PRDM16: variants seen among roughly 807,000 people sequenced by gnomAD.
PRDM16 encodes histone-lysine N-methyltransferase PRDM16.
PRDM16 carries 23 observed loss-of-function variants against 110.6 expected under a neutral mutation model. The ratio of observed to expected loss-of-function variants is 0.21; its 90% CI spans 0.15 to 0.29. The LOEUF is 0.29. Among genes scored for constraint, PRDM16 ranks in the 10% least tolerant of loss-of-function variants. The probability of loss-of-function intolerance (pLI) is 1.00; values close to 1 mark genes in which losing one functional copy is unlikely to be tolerated. For missense variants in PRDM16, 1,615 were observed against 1,794.3 expected (o/e 0.90, Z 1.81); for synonymous variants, 799 against 781.8 (o/e 1.02, Z -0.37).
chr1:3,100,180 G>A (rs919033444), intron 1 of PRDM16, among the ~76,000 whole-genome samples: 2 of 152,258 alleles, frequency 1.3e-5, no homozygotes, highest in Admixed American at 1.3e-4. Flanking sequence ...GGCTGGAGAG[G>A]TGGGGACCAG....
chr1:3,174,534 A>G (rs1404726436), intron 1 of PRDM16, among the ~76,000 whole-genome samples: 1 of 152,206 alleles, frequency 6.6e-6, no homozygotes, highest in South Asian at 2.1e-4. Flanking sequence ...GTGGGTCTCA[A>G]TCTGCTTCCT....
intron 3 of PRDM16, among the ~76,000 whole-genome samples, chr1:3,261,448 G>A (rs1351725481): frequency 6.6e-6 from 1 of 152,114 alleles, no homozygotes. Context: ...CTGATAAGCC[G>A]CCAATTCATA....
At chr1:3,165,649 GGACTCACCTGGGCTCAGGGACAGT>G (rs1643945713) in intron 1 of PRDM16, among the ~76,000 whole-genome samples, 7 of 88,968 alleles carry the variant, frequency 7.9e-5, no homozygotes, top group Non-Finnish European at 1.6e-4. Context: ...TCAGGGACAG[GGACTCACCTGGGCTCAGGGACAGT>G]GACTCACCTG....
At position 3,411,802 on chromosome 1, in the gene PRDM16, C is replaced by A. The variant is rs1360463737; in HGVS notation, c.1605C>A (p.Leu535=). ...CTCTGCTACCTCCCACATCGCTGCTCAAGAGCCCCCTGAACCACACCCAGG... is the reference window on the plus strand; with the variant it reads ...CTCTGCTACCTCCCACATCGCTGCTAAAGAGCCCCCTGAACCACACCCAGG... The part of the protein sequence containing the change: ...RPPLLPPTSL[L]KSPLNHTQDA... The change falls in exon 9 of 17, where the codon CTC becomes CTA. Residue 535 remains leucine, a synonymous_variant. Transcript: ENST00000270722. The A allele has an allele frequency of 6.2e-7, 1 of 1,611,850 alleles. No individual in the cohort carries two copies. The highest frequency in any genetic ancestry group is 8.5e-7 in the Non-Finnish European group (1 of 1,179,682).
intron 2 of PRDM16, among the ~76,000 whole-genome samples, chr1:3,233,490 G>C (rs193166268): frequency 3.9e-5 from 6 of 152,314 alleles, no homozygotes; most frequent in Non-Finnish European, 5.9e-5. Flanking sequence ...AAAGGGCTCA[G>C]GCTGAGCATG....
At chr1:3,074,840 C>T (rs780979140) in intron 1 of PRDM16, among the ~76,000 whole-genome samples, 3 of 152,260 alleles carry the variant, frequency 2.0e-5, no homozygotes, top group Non-Finnish European at 2.9e-5. Context: ...GGTGGAGCTG[C>T]TGCTGCCCTG....
At chr1:3,129,104 G>A (rs985969606) in intron 1 of PRDM16, among the ~76,000 whole-genome samples, 10 of 152,038 alleles carry the variant, frequency 6.6e-5, no homozygotes, top group South Asian at 2.1e-4. Flanking sequence ...GCTGGTGTGC[G>A]TGCATGGGTG....
At chr1:3,372,284 C>T (rs551492509) in intron 3 of PRDM16, among the ~76,000 whole-genome samples, 1 of 152,370 alleles carries the variant, frequency 6.6e-6, no homozygotes, top group Non-Finnish European at 1.5e-5. Flanking sequence ...CCCCAAAGGC[C>T]CTGCTTCCCA....
chr1:3,408,967 A>AT (rs1352000602), intron 8 of PRDM16, among the ~76,000 whole-genome samples: 1 of 132,202 alleles, frequency 7.6e-6, no homozygotes, highest in African/African-American at 2.9e-5. Flanking sequence ...GAGCCAGTGC[A>AT]TGTGTTGGCA....
chr1:3,277,507 A>G (rs1640612366), intron 3 of PRDM16, among the ~76,000 whole-genome samples: 1 of 152,246 alleles, frequency 6.6e-6, no homozygotes, highest in South Asian at 2.1e-4. Context: ...ATCCCAGTAC[A>G]GGAAAGCCCC....
At chr1:3,168,414 G>C (rs1428385640) in intron 1 of PRDM16, among the ~76,000 whole-genome samples, 1 of 147,520 alleles carries the variant, frequency 6.8e-6, no homozygotes. Flanking sequence ...AAGTGAGCAA[G>C]TGGCTCTTTC....
intron 1 of PRDM16, among the ~76,000 whole-genome samples, chr1:3,121,767 C>T (rs565326452): frequency 6.6e-6 from 1 of 152,352 alleles, no homozygotes; most frequent in East Asian, 1.9e-4. Context: ...GCAGGCCCTT[C>T]TCTGCGGGGC....
rs554666355 is a variant in PRDM16, at chr1:3,187,101, G to A, written c.387+627G>A. On this transcript the variant is annotated intron_variant, in intron 2 of 16. Coordinates refer to ENST00000270722, the MANE Select transcript of PRDM16 (RefSeq NM_022114.4). ...TGCTGCAGGGGTCAGGAGAGAGGGC[G>A]TCCCTGGGACGGCTCTGAGAGGGAA... Among the ~76,000 whole-genome samples the A allele has an allele frequency of 5.3e-5, 8 of 152,332 alleles. No homozygotes were observed. In the South Asian group the frequency reaches 6.2e-4, roughly 12 times the overall value.
At chr1:3,073,841 C>T (rs980961683) in intron 1 of PRDM16, among the ~76,000 whole-genome samples, 5 of 152,106 alleles carry the variant, frequency 3.3e-5, no homozygotes, top group Non-Finnish European at 7.4e-5. Flanking sequence ...GCTTGGACCC[C>T]GGGGTCCCCT....
At chr1:3,241,866 T>C (rs1639682213) in intron 2 of PRDM16, among the ~76,000 whole-genome samples, 1 of 152,124 alleles carries the variant, frequency 6.6e-6, no homozygotes, top group South Asian at 2.1e-4. Context: ...CCTGAGAGGC[T>C]ATGCATCTGA....
chr1:3,169,844 C>T (rs896962718), intron 1 of PRDM16, among the ~76,000 whole-genome samples: 2 of 152,200 alleles, frequency 1.3e-5, no homozygotes, highest in African/African-American at 4.8e-5. Flanking sequence ...GGGCCACGCT[C>T]GGGTCAGCGG....
rs554111313 is a variant in PRDM16, at chr1:3,273,669, A to G, written c.438+29532A>G. Among the ~76,000 whole-genome samples, 811 of 151,508 alleles carry G rather than the reference A, an allele frequency of 5.4e-3. 4 individuals are homozygous for G. The highest frequency in any genetic ancestry group is 8.6e-3 in the Non-Finnish European group (582 of 67,866). On this transcript the variant is annotated intron_variant, in intron 3 of 16. Coordinates refer to ENST00000270722, the MANE Select transcript of PRDM16 (RefSeq NM_022114.4). ...GTATGGCCTGCATCTATGAGGGTAC[A>G]TTCCTGTGTGTGTGTGCATGTGGCA...
intron 1 of PRDM16, among the ~76,000 whole-genome samples, chr1:3,125,087 C>T (rs2817173): frequency 0.14 from 21,941 of 152,318 alleles, 1,759 homozygotes; most frequent in African/African-American, 0.19. Context: ...ACAGTTCTGG[C>T]GAGTTTCTCT....
At chr1:3,247,147 G>T (rs1337063308) in intron 3 of PRDM16, among the ~76,000 whole-genome samples, 1 of 152,186 alleles carries the variant, frequency 6.6e-6, no homozygotes, top group Non-Finnish European at 1.5e-5. Flanking sequence ...GGAACATGAC[G>T]GGGGTGGCTG....
Sources: gnomAD v4.1 joint callset for allele counts (sites outside exome capture counted in the v4.1 genomes callset) on GRCh38, gnomAD v4.1.1 for gene constraint, MANE v1.5 for transcripts, NCBI Gene and HGNC (gene_info 2026-07-23, HGNC 2026-07-21) for gene names.